PDCD2L: variants seen among roughly 807,000 people sequenced by gnomAD.
The protein encoded by PDCD2L is uS5 assembly chaperone PDCD2L.
In PDCD2L, 44 loss-of-function variants were observed where a neutral mutation model predicts 40.4. The ratio of observed to expected loss-of-function variants is 1.09; its 90% CI spans 0.86 to 1.40. PDCD2L has a LOEUF of 1.40. Ranked by LOEUF, PDCD2L falls within the 40% of genes most tolerant of loss-of-function variation. The pLI is 0.00. For synonymous variants in PDCD2L, 194 were observed against 174.6 expected (o/e 1.11, Z -0.88); for missense variants, 470 against 453.7 (o/e 1.04, Z -0.33).
Position 34,409,438 on chromosome 19 carries a change from A to T in PDCD2L, c.614A>T (p.Asp205Val). Residue 205 changes from aspartate (D) to valine (V), a missense_variant, in exon 4 of 7, where the codon GAT becomes GTT. Coordinates refer to ENST00000246535, the MANE Select transcript of PDCD2L (RefSeq NM_032346.2). ...GATTACAGGGACTTTGTCAACCTGG[A>T]TCATGCCCACAGCCTTCTGAGGGAC... ...EDDYRDFVNLDHAHSLLRDYQ... is the reference protein window; with the variant it reads ...EDDYRDFVNLVHAHSLLRDYQ... The T allele has an allele frequency of 6.2e-7, 1 of 1,614,188 alleles. No individual in the cohort carries two copies. The highest frequency in any genetic ancestry group is 8.5e-7 in the Non-Finnish European group (1 of 1,180,034).
At chr19:34,424,056 A>C (rs2075165031) in intron 6 of PDCD2L, among the ~76,000 whole-genome samples, 1 of 151,654 alleles carries the variant, frequency 6.6e-6, no homozygotes, top group African/African-American at 2.4e-5. Context: ...AACCTTGTAT[A>C]GACCCCTGTG....
At position 34,425,980 on chromosome 19, in the gene PDCD2L, T is replaced by C. The variant is rs752548822; in HGVS notation, c.947-10T>C. On this transcript the variant is annotated splice_polypyrimidine_tract_variant and intron_variant, in intron 6 of 6. Transcript: ENST00000246535. ...TTTTGCTGGAAGCCTGAATATGTGG[T>C]ATTTTTCAGGTCTTTCTGTGGAATT... 5 of 1,609,314 alleles carry C rather than the reference T, an allele frequency of 3.1e-6. No individual in the cohort carries two copies. The highest frequency in any genetic ancestry group is 4.2e-6 in the Non-Finnish European group (5 of 1,178,186).
intron 5 of PDCD2L, among the ~76,000 whole-genome samples, chr19:34,414,214 C>T (rs536391240): frequency 9.9e-5 from 15 of 151,424 alleles, no homozygotes; most frequent in South Asian, 4.2e-4. Flanking sequence ...CGCGCTCTGT[C>T]GCCCAGGCTG....
intron 3 of PDCD2L, 73 bp from the exon 4 acceptor site, chr19:34,409,088 G>A (rs1334592801): frequency 9.2e-6 from 13 of 1,407,716 alleles, no homozygotes; most frequent in Admixed American, 3.6e-5. Context: ...CGCGGCGGTG[G>A]GTGGCTGGAG....
intron 4 of PDCD2L, among the ~76,000 whole-genome samples, chr19:34,410,075 T>TA (rs1479780993): frequency 6.6e-6 from 1 of 152,140 alleles, no homozygotes; most frequent in Non-Finnish European, 1.5e-5. Context: ...CAAAGCTCTC[T>TA]AAAGAGGTAA....
intron 3 of PDCD2L, among the ~76,000 whole-genome samples, chr19:34,407,166 G>A (rs1463338675): frequency 6.9e-6 from 1 of 144,536 alleles, no homozygotes; most frequent in Non-Finnish European, 1.5e-5. Context: ...TCTTTGAGAT[G>A]GAGTTTCGCT....
At chr19:34,422,838 C>G (rs1316306693) in intron 6 of PDCD2L, among the ~76,000 whole-genome samples, 4 of 152,016 alleles carry the variant, frequency 2.6e-5, no homozygotes, top group African/African-American at 4.8e-5. Context: ...GCCTCAGCCT[C>G]CCAAGGAGCT....
chr19:34,417,278 C>G (rs1046719049), intron 5 of PDCD2L, among the ~76,000 whole-genome samples: 8 of 151,930 alleles, frequency 5.3e-5, no homozygotes, highest in Non-Finnish European at 1.0e-4. Flanking sequence ...CTAAAGAAAC[C>G]AAGCCCCATG....
At chr19:34,414,427 T>A (rs1347175023) in intron 5 of PDCD2L, among the ~76,000 whole-genome samples, 1 of 137,714 alleles carries the variant, frequency 7.3e-6, no homozygotes, top group Non-Finnish European at 1.6e-5. Context: ...TCTGCCCACC[T>A]CAGCCTCCCA....
chr19:34,419,867 C>T (rs1409618128), intron 5 of PDCD2L, among the ~76,000 whole-genome samples: 9 of 147,708 alleles, frequency 6.1e-5, no homozygotes, highest in Non-Finnish European at 1.0e-4. Context: ...ACCGCAGCCT[C>T]AGACTCCTGA....
intron 6 of PDCD2L, among the ~76,000 whole-genome samples, chr19:34,425,690 C>G (rs1479230479): frequency 6.6e-6 from 1 of 152,068 alleles, no homozygotes; most frequent in Non-Finnish European, 1.5e-5. Flanking sequence ...ATCACATGAA[C>G]CATGTAGATT....
intron 4 of PDCD2L, 56 bp from the exon 5 acceptor site, chr19:34,413,681 A>G (rs1461213508): frequency 2.8e-6 from 3 of 1,066,616 alleles, no homozygotes; most frequent in African/African-American, 3.2e-5. Context: ...TGTCTTGCAA[A>G]TGCTGTAATT....
At position 34,404,805 on chromosome 19, in the gene PDCD2L, G is replaced by C. The variant is rs752600661; in HGVS notation, c.265G>C (p.Gly89Arg). Residue 89 changes from glycine (G) to arginine (R), a missense_variant, in exon 2 of 7, where the codon GGT becomes CGT. Coordinates refer to ENST00000246535, the MANE Select transcript of PDCD2L (RefSeq NM_032346.2). ...ACACPGCSTGGARSWKVFRSQ... is the reference protein window; with the variant it reads ...ACACPGCSTGRARSWKVFRSQ... ...CGCCTGCCCCGGCTGTAGCACCGGC[G>C]GTGCGCGCAGGTAGGCGGGGAAGTC... The C allele has an allele frequency of 1.2e-5, 19 of 1,603,366 alleles. No homozygotes were observed. The highest frequency in any genetic ancestry group is 1.5e-5 in the Non-Finnish European group (18 of 1,176,730).
rs546627899 is a variant in PDCD2L at position 34,420,561 on chromosome 19, G to A, written c.798-958G>A. 2.0e-5 allele frequency among the ~76,000 whole-genome samples: 3 copies of A among 152,078 alleles called. No individual in the cohort carries two copies. In the South Asian group the frequency reaches 6.2e-4, roughly 32 times the overall value. On this transcript the variant is annotated intron_variant, in intron 5 of 6. Transcript: ENST00000246535. ...ACAGCACTTTGGGAGGCTGAGGTGG[G>A]AGGATCACTTGAGGCCAGGAGTTTG...
intron 3 of PDCD2L, among the ~76,000 whole-genome samples, chr19:34,405,253 T>A (rs1449735291): frequency 1.3e-5 from 2 of 150,430 alleles, no homozygotes; most frequent in African/African-American, 4.9e-5. Context: ...TTCAAGCGAT[T>A]CTCCTGCCTC....
chr19:34,409,863 A>C (rs2075094318), intron 4 of PDCD2L, among the ~76,000 whole-genome samples: 1 of 152,144 alleles, frequency 6.6e-6, no homozygotes, highest in Non-Finnish European at 1.5e-5. Context: ...GATTGGGGTG[A>C]AAAAATGGAA....
intron 3 of PDCD2L, among the ~76,000 whole-genome samples, chr19:34,405,921 AG>A (rs1456957440): frequency 6.6e-6 from 1 of 151,962 alleles, no homozygotes; most frequent in Admixed American, 6.6e-5. Context: ...ACAAAACAAA[AG>A]AAAAAAAAAA....
intron 5 of PDCD2L, among the ~76,000 whole-genome samples, chr19:34,419,856 C>T (rs977967083): frequency 1.5e-5 from 2 of 136,346 alleles, no homozygotes; most frequent in African/African-American, 5.4e-5. Context: ...AGTCATGGCT[C>T]ACCGCAGCCT....
intron 6 of PDCD2L, among the ~76,000 whole-genome samples, chr19:34,423,052 C>T (rs1212679627): frequency 1.3e-5 from 2 of 152,018 alleles, no homozygotes; most frequent in African/African-American, 4.8e-5. Flanking sequence ...ACCTAAGAGG[C>T]CCAAGTTTCT....
Sources: gnomAD v4.1 joint callset for allele counts (sites outside exome capture counted in the v4.1 genomes callset) on GRCh38, gnomAD v4.1.1 for gene constraint, MANE v1.5 for transcripts, NCBI Gene and HGNC (gene_info 2026-07-23, HGNC 2026-07-21) for gene names.